The following RHOV variants were observed in gnomAD, a reference collection of about 807,000 sequenced individuals.
The protein encoded by RHOV is rho-related GTP-binding protein RhoV.
Under a neutral mutation model 20.2 loss-of-function variants are expected in RHOV, and 6 were observed. That is an observed-to-expected ratio of 0.30 (90% CI 0.16 to 0.59). The LOEUF (loss-of-function observed/expected upper bound fraction) is 0.59. Among genes scored for constraint, RHOV ranks in the 20% least tolerant of loss-of-function variants. The pLI, the probability that RHOV is intolerant of heterozygous loss-of-function variation, is 0.89. For synonymous variants in RHOV, 136 were observed against 142.3 expected, an observed-to-expected ratio of 0.96 and a Z score of 0.31; for missense variants, 275 against 319.4, an observed-to-expected ratio of 0.86 and a Z score of 1.06.
intron 1 of RHOV, 29 bp downstream of exon 1, chr15:40,873,903 C>G (rs772638512): frequency 1.3e-6 from 2 of 1,588,094 alleles, no homozygotes; most frequent in Admixed American, 1.7e-5. Flanking sequence ...CGCAGCCACG[C>G]GGCCGCACGG....
chr15:40,873,839 C>G lies in RHOV; in HGVS notation c.208+93G>C, dbSNP rs1326626319. 6 of 1,536,438 alleles carry G rather than the reference C, an allele frequency of 3.9e-6. No individual in the cohort carries two copies. In the Admixed American group the frequency reaches 8.7e-5, roughly 22 times the overall value. On this transcript the variant is annotated intron_variant, in intron 1 of 2. Coordinates refer to ENST00000220507, the MANE Select transcript of RHOV (RefSeq NM_133639.4). Reference sequence around the variant, plus strand: ...CTGCTCCAGTCTCCTCCCCGGGGTCCTCTGCGCCCTCCCGCCGAGACGCCC... The same window carrying G: ...CTGCTCCAGTCTCCTCCCCGGGGTCGTCTGCGCCCTCCCGCCGAGACGCCC...
At position 40,873,182 on chromosome 15, in the gene RHOV, T is replaced by C. The variant is rs1891910133; in HGVS notation, c.587A>G (p.Glu196Gly). ...ACTGAGAATAGCCGAGTCAAATACT[T>C]CCTTCAAGTTCTTCTGCGTCAAGGC... ...CSALTQKNLK[E>G]VFDSAILSAI... The change falls in exon 3 of 3, where the codon GAA (glutamate) becomes GGA (glycine). Residue 196 changes from glutamate (E) to glycine (G), a missense_variant. Transcript: ENST00000220507. 1 of 1,614,104 alleles carries C rather than the reference T, an allele frequency of 6.2e-7. No homozygotes were observed. Among genetic ancestry groups the C allele is most frequent in the Non-Finnish European group, 8.5e-7 (1 of 1,180,046 alleles).
Position 40,874,171 on chromosome 15 carries a change from C to A in RHOV, c.-32G>T. On this transcript the variant is annotated 5_prime_UTR_variant, in exon 1 of 3. Coordinates refer to ENST00000220507, the MANE Select transcript of RHOV (RefSeq NM_133639.4). Reference sequence around the variant, plus strand: ...CTCCGGGGGCAGCAGAGGGGCCAGCCCGGGTCTCGGCTTCGCTGCGCTCGG... The same window carrying A: ...CTCCGGGGGCAGCAGAGGGGCCAGCACGGGTCTCGGCTTCGCTGCGCTCGG... The A allele has an allele frequency of 9.7e-7, 1 of 1,034,618 alleles. No homozygotes were observed. Among genetic ancestry groups the A allele is most frequent in the Admixed American group, 4.3e-5 (1 of 23,510 alleles). 64.1% of individuals were successfully genotyped at this position (1,034,618 alleles called of 1,614,324 possible).
At chr15:40,873,813 C>A in intron 1 of RHOV, 71 bp from the exon 2 acceptor site, 3 of 1,565,516 alleles carry the variant, frequency 1.9e-6, no homozygotes, top group Admixed American at 1.7e-5. Flanking sequence ...CACCTCGGGG[C>A]CTGCTCCAGT....
rs755885876 is a variant in RHOV at position 40,873,949 on chromosome 15, G to A, written c.191C>T (p.Ala64Val). 3 of 1,611,032 alleles carry A rather than the reference G, an allele frequency of 1.9e-6. No homozygotes were observed. The highest frequency in any genetic ancestry group is 2.2e-5 in the East Asian group (1 of 44,724). ...NGYPARYRPT[A>V]LDTFSVQVLV... ...GTACGTACCAGAGAAGGTGTCCAGCGCAGTGGGCCGGTAGCGCGCGGGGTA... is the reference window on the plus strand; with the variant it reads ...GTACGTACCAGAGAAGGTGTCCAGCACAGTGGGCCGGTAGCGCGCGGGGTA... The change falls in exon 1 of 3, where the codon GCG becomes GTG. Residue 64 changes from alanine to valine, a missense_variant. Ala to Val is a moderately conservative substitution (Grantham distance 64). Transcript: ENST00000220507.
Position 40,873,322 on chromosome 15 carries a change from G to A in RHOV, c.447C>T (p.Asp149=), listed in dbSNP as rs913869128. 1.4e-5 allele frequency: 23 copies of A among 1,612,998 alleles called. No individual in the cohort carries two copies. The highest frequency in any genetic ancestry group is 1.1e-4 in the East Asian group (5 of 44,888). ...CCAGCTGAATTAGTACGTTGACATC[G>A]TCCCTCAGGTCGGCCTGGGTGCCCA... ...LLVGTQADLR[D]DVNVLIQLDQ... Residue 149 remains aspartate, a synonymous_variant, in exon 3 of 3, where the codon GAC becomes GAT. Coordinates refer to ENST00000220507, the MANE Select transcript of RHOV (RefSeq NM_133639.4).
chr15:40,873,661 A>G (rs1891920132), intron 2 of RHOV, 23 bp downstream of exon 2: 1 of 1,613,126 alleles, frequency 6.2e-7, no homozygotes, highest in African/African-American at 1.3e-5. Flanking sequence ...GCAGACCAGT[A>G]GAGGCCGCGC....
chr15:40,873,811 G>C (rs1388951769), intron 1 of RHOV, 69 bp from the exon 2 acceptor site: 3 of 1,572,048 alleles, frequency 1.9e-6, no homozygotes, highest in Non-Finnish European at 2.6e-6. Flanking sequence ...GCCACCTCGG[G>C]GCCTGCTCCA....
Position 40,873,289 on chromosome 15 carries a change from C to A in RHOV, c.480G>T (p.Gly160=), listed in dbSNP as rs148901787. The change falls in exon 3 of 3, where the codon GGG becomes GGT. Residue 160 remains glycine, a synonymous_variant. Coordinates refer to ENST00000220507, the MANE Select transcript of RHOV (RefSeq NM_133639.4). ...DVNVLIQLDQ[G]GREGPVPQPQ... ...GTTGGGGCACGGGGCCCTCCCGGCC[C>A]CCCTGGTCCAGCTGAATTAGTACGT... 6.2e-7 allele frequency: 1 copy of A among 1,613,778 alleles called. No individual in the cohort carries two copies. Among genetic ancestry groups the A allele is most frequent in the African/African-American group, 1.3e-5 (1 of 74,922 alleles).
chr15:40,873,535 C>A (rs768979882), intron 2 of RHOV, 34 bp from the exon 3 acceptor site: 2 of 1,594,728 alleles, frequency 1.3e-6, no homozygotes, highest in Non-Finnish European at 8.6e-7. Context: ...AAGGATTAGC[C>A]CCCCGACACA....
At chr15:40,873,848 C>T in intron 1 of RHOV, 84 bp downstream of exon 1, 2 of 1,540,734 alleles carry the variant, frequency 1.3e-6, no homozygotes, top group South Asian at 2.4e-5. Flanking sequence ...CCTCTGCGCC[C>T]TCCCGCCGAG....
Position 40,873,467 on chromosome 15 carries a change from G to A in RHOV, c.302C>T (p.Pro101Leu), listed in dbSNP as rs766790132. Residue 101 changes from proline (P) to leucine (L), a missense_variant, in exon 3 of 3, where the codon CCG (proline) becomes CTG (leucine). By Grantham distance (98) the Pro-to-Leu change is moderately conservative. Transcript: ENST00000220507. ...GCACGCCAGGAAGACATCGGTATCC[G>A]GGTAGCAAAGGGAACGAAGTCGGTC... ...DFDRLRSLCYPDTDVFLACFS... is the reference protein window; with the variant it reads ...DFDRLRSLCYLDTDVFLACFS... 3.7e-6 allele frequency: 6 copies of A among 1,600,342 alleles called. No individual in the cohort carries two copies. In the African/African-American group the frequency reaches 6.7e-5, roughly 18 times the overall value.
Position 40,873,063 on chromosome 15 carries a change from C to G in RHOV, c.706G>C (p.Val236Leu). The G allele has an allele frequency of 6.2e-7, 1 of 1,612,310 alleles. No homozygotes were observed. The highest frequency in any genetic ancestry group is 8.5e-7 in the Non-Finnish European group (1 of 1,178,668). ...RCRWKKFFCFV is the reference protein window; with the variant it reads ...RCRWKKFFCFL ...TGCTATGCAGCCATAGCTGCTCAAA[C>G]GAAGCAGAAGAACTTCTTCCAGCGG... Residue 236 changes from valine (V) to leucine (L), a missense_variant, in exon 3 of 3, where the codon GTT (valine) becomes CTT (leucine). Transcript: ENST00000220507.
chr15:40,873,893 C>T (rs1180045684), intron 1 of RHOV, 39 bp downstream of exon 1: 1 of 1,576,944 alleles, frequency 6.3e-7, no homozygotes, highest in Non-Finnish European at 8.6e-7. Flanking sequence ...ACAGCCCCGC[C>T]GCAGCCACGC....
At position 40,872,946 on chromosome 15, in the gene RHOV, G is replaced by C. The variant is rs1209577429; in HGVS notation, c.*112C>G. The C allele has an allele frequency of 4.0e-6, 3 of 741,756 alleles. No individual in the cohort carries two copies. In the African/African-American group the frequency reaches 5.2e-5, roughly 13 times the overall value. 45.9% of individuals were successfully genotyped at this position (741,756 alleles called of 1,614,324 possible). A position where few individuals can be genotyped will look rare whatever the true frequency, so the allele number is the denominator to read the frequency against. On this transcript the variant is annotated 3_prime_UTR_variant, in exon 3 of 3. Coordinates refer to ENST00000220507, the MANE Select transcript of RHOV (RefSeq NM_133639.4). ...TCCCCCGAGTGTTCAGAAGGGAACT[G>C]AGTCCTATGAGGTGGCCAGGCCCTG...
intron 1 of RHOV, 31 bp from the exon 2 acceptor site, chr15:40,873,773 T>A: frequency 1.9e-6 from 3 of 1,609,008 alleles, no homozygotes; most frequent in Non-Finnish European, 1.7e-6. Flanking sequence ...GAGCCTGAGT[T>A]AGGAAGAGCG....
chr15:40,873,907 C>T, intron 1 of RHOV, 25 bp downstream of exon 1: 1 of 1,592,386 alleles, frequency 6.3e-7, no homozygotes, highest in Non-Finnish European at 8.6e-7. Context: ...GCCACGCGGC[C>T]GCACGGGCGA....
Position 40,872,913 on chromosome 15 carries a change from G to C in RHOV, c.*145C>G. On this transcript the variant is annotated 3_prime_UTR_variant, in exon 3 of 3. Coordinates refer to ENST00000220507, the MANE Select transcript of RHOV (RefSeq NM_133639.4). ...AGGCATATCAGAGTGGGCAGTTAGA[G>C]GCCCATGTCCCCCGAGTGTTCAGAA... 3.2e-6 allele frequency: 2 copies of C among 633,850 alleles called. No homozygotes were observed. Among genetic ancestry groups the C allele is most frequent in the Non-Finnish European group, 5.6e-6 (2 of 357,482 alleles). 39.3% of individuals were successfully genotyped at this position (633,850 alleles called of 1,614,324 possible).
chr15:40,873,279 C>T lies in RHOV; in HGVS notation c.490G>A (p.Gly164Ser). 2 of 1,613,990 alleles carry T rather than the reference C, an allele frequency of 1.2e-6. No individual in the cohort carries two copies. The highest frequency in any genetic ancestry group is 1.7e-6 in the Non-Finnish European group (2 of 1,180,012). The part of the protein sequence containing the change: ...LIQLDQGGRE[G>S]PVPQPQAQGL... ...TGAGCCTGGGGTTGGGGCACGGGGC[C>T]CTCCCGGCCCCCCTGGTCCAGCTGA... is the stretch of plus-strand genomic sequence containing the variant. Residue 164 changes from glycine to serine, a missense_variant, in exon 3 of 3, where the codon GGC (glycine) becomes AGC (serine). Transcript: ENST00000220507.
Sources: gnomAD v4.1 joint callset for allele counts on GRCh38, gnomAD v4.1.1 for gene constraint, MANE v1.5 for transcripts, NCBI Gene and HGNC (gene_info 2026-07-23, HGNC 2026-07-21) for gene names.